The following ITPR3 variants were observed in gnomAD, a reference collection of about 807,000 sequenced individuals.
ITPR3 encodes the protein inositol 1,4,5-trisphosphate-gated calcium channel ITPR3.
In ITPR3, 173 loss-of-function variants were observed where a neutral mutation model predicts 293.2. That is an observed-to-expected ratio of 0.59 (90% CI 0.52 to 0.67). The LOEUF (loss-of-function observed/expected upper bound fraction) is 0.67. ITPR3 is among the 30% of genes least tolerant of loss of function. ITPR3 has a pLI of 0.00. For missense variants in ITPR3, 2,796 were observed against 3,592.1 expected, an observed-to-expected ratio of 0.78 and a Z score of 5.66; for synonymous variants, 1,295 against 1,444.4, an observed-to-expected ratio of 0.90 and a Z score of 2.35.
rs150420581 is a variant in ITPR3, at chr6:33,623,321, G to GTTTTTTTTTTTTTTTTTTTTTTT, written c.89+1634_89+1635insTTTTTTTTTTTTTTTTTTTTTTT. Among the ~76,000 whole-genome samples the GTTTTTTTTTTTTTTTTTTTTTTT allele has an allele frequency of 6.8e-5, 8 of 118,266 alleles. 4 individuals carry two copies. Among genetic ancestry groups the GTTTTTTTTTTTTTTTTTTTTTTT allele is most frequent in the Non-Finnish European group, 3.4e-5 (2 of 59,608 alleles). 77.6% of individuals were successfully genotyped at this position (118,266 alleles called of 152,430 possible). On this transcript the variant is annotated intron_variant, in intron 1 of 57. Coordinates refer to ENST00000605930, the MANE Select transcript of ITPR3 (RefSeq NM_002224.4). ...CATGATGATTTTCAAGTGCCTGTGA[G>GTTTTTTTTTTTTTTTTTTTTTTT]TTTTGTTTTTTTTTTTTTTTTTTAA...
At chr6:33,656,028 T>G in intron 3 of ITPR3, 141 bp downstream of exon 3, 1 of 1,103,276 alleles carries the variant, frequency 9.1e-7, no homozygotes, top group Non-Finnish European at 1.3e-6. Flanking sequence ...GCGTGACAGT[T>G]CACACCTGTA....
chr6:33,664,764 TG>T lies in ITPR3; in HGVS notation c.1149-104del. 2 of 888,386 alleles carry T rather than the reference TG, an allele frequency of 2.3e-6. No individual in the cohort carries two copies. The highest frequency in any genetic ancestry group is 1.8e-6 in the Non-Finnish European group (1 of 556,534). The allele number at this position is 888,386 out of a possible 1,614,324, so 55.0% of individuals were successfully genotyped here. On this transcript the variant is annotated intron_variant, in intron 11 of 57. Coordinates refer to ENST00000605930, the MANE Select transcript of ITPR3 (RefSeq NM_002224.4). The surrounding 1 kb of genome is among the most constrained non-coding windows in gnomAD (Gnocchi z 4.4). ...TCCTGTCCCACAGCTGTTGAGGGTG[TG>T]GAGTAGGGTGGCAGCTGTGGCAGTG...
At chr6:33,639,953 G>A (rs1763910730) in intron 1 of ITPR3, among the ~76,000 whole-genome samples, 1 of 152,152 alleles carries the variant, frequency 6.6e-6, no homozygotes. Context: ...CTTCCTTGGA[G>A]ACCTAAAGAC....
intron 1 of ITPR3, among the ~76,000 whole-genome samples, chr6:33,629,697 C>A (rs1763628903): frequency 6.6e-6 from 1 of 151,876 alleles, no homozygotes; most frequent in African/African-American, 2.4e-5. Context: ...GCAGGCTGGT[C>A]TTGAACTCCT....
At chr6:33,661,879 C>T (rs1764478038) in intron 7 of ITPR3, among the ~76,000 whole-genome samples, 1 of 150,484 alleles carries the variant, frequency 6.6e-6, no homozygotes, top group African/African-American at 2.4e-5. Flanking sequence ...ACCTGTGGTC[C>T]CAGCTACACA....
chr6:33,681,922 C>T (rs1169160860), intron 33 of ITPR3, among the ~76,000 whole-genome samples: 1 of 151,932 alleles, frequency 6.6e-6, no homozygotes, highest in African/African-American at 2.4e-5. Flanking sequence ...ACTTGGTGCC[C>T]CAGGCTAGAG....
At position 33,621,398 on chromosome 6, in the gene ITPR3, G is replaced by A. The variant is rs1459157579; in HGVS notation, c.-205G>A. 3.1e-6 allele frequency: 1 copy of A among 319,540 alleles called. No homozygotes were observed. The highest frequency in any genetic ancestry group is 5.7e-6 in the Non-Finnish European group (1 of 176,500). 19.8% of individuals were successfully genotyped at this position (319,540 alleles called of 1,614,324 possible). A position where few individuals can be genotyped will look rare whatever the true frequency, so the allele number is the denominator to read the frequency against. ...GCGGGCGGCGGGCGCGCCAAGACGTGGGCACCTCCTCACCCGGACCCCGGG... is the reference window on the plus strand; with the variant it reads ...GCGGGCGGCGGGCGCGCCAAGACGTAGGCACCTCCTCACCCGGACCCCGGG... On this transcript the variant is annotated 5_prime_UTR_variant, in exon 1 of 58. Coordinates refer to ENST00000605930, the MANE Select transcript of ITPR3 (RefSeq NM_002224.4). The surrounding 1 kb of genome is among the most constrained non-coding windows in gnomAD (Gnocchi z 7.7).
chr6:33,695,356 G>T, intron 57 of ITPR3: 1 of 560,966 alleles, frequency 1.8e-6, no homozygotes, highest in Non-Finnish European at 3.2e-6. Context: ...TCTGACAGCT[G>T]CCAGGTAGGT....
chr6:33,671,116 C>T (rs765530559), intron 20 of ITPR3, 49 bp from the exon 21 acceptor site: 2 of 1,607,242 alleles, frequency 1.2e-6, no homozygotes, highest in East Asian at 4.5e-5. Flanking sequence ...AAGCCCCGCC[C>T]CTACGCGCCG....
At chr6:33,663,963 A>G in intron 11 of ITPR3, 83 bp downstream of exon 11, 1 of 1,532,250 alleles carries the variant, frequency 6.5e-7, no homozygotes, top group East Asian at 2.3e-5. Context: ...TGGATCCCCC[A>G]CTCCTCCGCC....
At chr6:33,663,455 A>C in intron 9 of ITPR3, 45 bp from the exon 10 acceptor site, 1 of 1,561,256 alleles carries the variant, frequency 6.4e-7, no homozygotes, top group African/African-American at 1.4e-5. Context: ...GTGTGGGTAT[A>C]GTTTGGTGTC....
rs890758016 is a variant in ITPR3, at chr6:33,689,910, G to GT, written c.6868-121dup. 34 of 1,171,032 alleles carry GT rather than the reference G, an allele frequency of 2.9e-5. 1 individual carries two copies. The highest frequency in any genetic ancestry group is 4.6e-5 in the African/African-American group (3 of 65,342). 72.5% of individuals were successfully genotyped at this position (1,171,032 alleles called of 1,614,324 possible). The stretch of plus-strand genomic sequence containing the variant: ...TTCTGAGTCCCAGGCGCCTAGATGC[G>GT]TTTCTGGAAGCAATTTCATTAATGC... On this transcript the variant is annotated intron_variant, in intron 50 of 57. Coordinates refer to ENST00000605930, the MANE Select transcript of ITPR3 (RefSeq NM_002224.4).
chr6:33,662,845 C>G (rs1212911288), intron 8 of ITPR3, 66 bp from the exon 9 acceptor site: 1 of 1,524,456 alleles, frequency 6.6e-7, no homozygotes, highest in Non-Finnish European at 8.9e-7. Flanking sequence ...CTCCAGGCCT[C>G]CCTGGGGTCT....
At chr6:33,660,518 C>T (rs865778957) in intron 7 of ITPR3, among the ~76,000 whole-genome samples, 2 of 150,452 alleles carry the variant, frequency 1.3e-5, no homozygotes, top group African/African-American at 4.9e-5. Context: ...CCTTCTCCCT[C>T]CCTCCCTCCC....
At chr6:33,631,961 A>G (rs1024347261) in intron 1 of ITPR3, among the ~76,000 whole-genome samples, 1 of 152,234 alleles carries the variant, frequency 6.6e-6, no homozygotes, top group Non-Finnish European at 1.5e-5. Flanking sequence ...AAAGCTAAAG[A>G]TTAATAGTGA....
Position 33,658,761 on chromosome 6 carries a change from C to T in ITPR3, c.461C>T (p.Ala154Val). The change falls in exon 5 of 58, where the codon GCC (alanine) becomes GTC (valine). Residue 154 changes from alanine to valine, a missense_variant. Around this residue, in one of 8 missense-constraint regions of ITPR3, gnomAD observed 144 missense variants for 230.8 expected, o/e 0.62. Transcript: ENST00000605930. The surrounding 1 kb of genome is among the most constrained non-coding windows in gnomAD (Gnocchi z 6.1). ...AACGCCATGCGGGTGACTCTGGATGCCACAGGCAACGAGGGTTCCTGGCTC... is the reference window on the plus strand; with the variant it reads ...AACGCCATGCGGGTGACTCTGGATGTCACAGGCAACGAGGGTTCCTGGCTC... Reference protein sequence around the residue: ...EKNAMRVTLDATGNEGSWLFI... With the variant: ...EKNAMRVTLDVTGNEGSWLFI... 2 of 1,614,202 alleles carry T rather than the reference C, an allele frequency of 1.2e-6. No individual in the cohort carries two copies. The highest frequency in any genetic ancestry group is 1.7e-6 in the Non-Finnish European group (2 of 1,180,022).
chr6:33,662,013 A>AAAAAAAAAAAAAAAC (rs1294466535), intron 7 of ITPR3, among the ~76,000 whole-genome samples: 1 of 147,908 alleles, frequency 6.8e-6, no homozygotes, highest in Non-Finnish European at 1.5e-5. Context: ...AAAAAAAAAA[A>AAAAAAAAAAAAAAAC]AAAAGACAGG....
At chr6:33,626,321 C>G (rs1054959250) in intron 1 of ITPR3, among the ~76,000 whole-genome samples, 2 of 152,132 alleles carry the variant, frequency 1.3e-5, no homozygotes, top group African/African-American at 4.8e-5. Flanking sequence ...CTGGCTGTAC[C>G]TGAGAATCAC....
chr6:33,671,313 C>G lies in ITPR3; in HGVS notation c.2728+7C>G, dbSNP rs561324036. 6 of 1,607,356 alleles carry G rather than the reference C, an allele frequency of 3.7e-6. No homozygotes were observed. The East Asian group carries it at 6.7e-5, about 18-fold the overall frequency. ...GCCTATGAGGACCCCGGTGGTGAGG[C>G]CTTTGCCCGGCTCGGGCCACCCTGG... On this transcript the variant is annotated splice_region_variant and intron_variant, in intron 21 of 57. Coordinates refer to ENST00000605930, the MANE Select transcript of ITPR3 (RefSeq NM_002224.4).
Sources: allele counts gnomAD v4.1 joint callset (sites outside exome capture counted in the v4.1 genomes callset), GRCh38; gene constraint gnomAD v4.1.1; regional missense constraint gnomAD v4.1.1; non-coding constraint Gnocchi (gnomAD v3.1); transcripts MANE v1.5; gene names NCBI Gene and HGNC (gene_info 2026-07-23, HGNC 2026-07-21).